Variants in ADAMTSL1 observed in about 807,000 individuals in gnomAD.
ADAMTSL1 encodes the protein ADAMTS like 1, also known as ADAMTS-like protein 1.
A neutral mutation model predicts 201.8 loss-of-function variants in ADAMTSL1; 126 were observed. That is an observed-to-expected ratio of 0.62 (90% CI 0.54 to 0.72). ADAMTSL1 has a LOEUF of 0.72. ADAMTSL1 is among the 30% of genes least tolerant of loss of function. ADAMTSL1 has a pLI of 0.00. For missense variants in ADAMTSL1, 2,679 were observed against 2,277.8 expected, an observed-to-expected ratio of 1.18 and a Z score of -3.59; for synonymous variants, 1,121 against 903.4, an observed-to-expected ratio of 1.24 and a Z score of -4.32.
intron 1 of ADAMTSL1, among the ~76,000 whole-genome samples, chr9:18,087,120 T>A (rs537428399): frequency 2.0e-5 from 3 of 152,316 alleles, no homozygotes; most frequent in South Asian, 4.1e-4. Flanking sequence ...TTGTATTAAC[T>A]TTATTTTTGT....
chr9:18,604,491 C>T (rs1345472030), intron 4 of ADAMTSL1, among the ~76,000 whole-genome samples: 1 of 152,146 alleles, frequency 6.6e-6, no homozygotes, highest in East Asian at 1.9e-4. Flanking sequence ...TTTGGGGTGC[C>T]TAGTATAATG....
chr9:18,290,020 A>C (rs1833187457), intron 2 of ADAMTSL1, among the ~76,000 whole-genome samples: 1 of 152,232 alleles, frequency 6.6e-6, no homozygotes, highest in African/African-American at 2.4e-5. Context: ...CAGCAGGTTC[A>C]AAGAGGATAA....
intron 1 of ADAMTSL1, among the ~76,000 whole-genome samples, chr9:18,476,650 G>A (rs144668524): frequency 6.4e-4 from 98 of 152,080 alleles, no homozygotes; most frequent in African/African-American, 2.1e-3. Flanking sequence ...ATTGAATTGA[G>A]GGGCTTGTTT....
intron 1 of ADAMTSL1, among the ~76,000 whole-genome samples, chr9:17,911,855 T>G (rs1825907093): frequency 2.8e-5 from 1 of 35,504 alleles, no homozygotes; most frequent in Non-Finnish European, 8.9e-5. Flanking sequence ...CCCACAACAG[T>G]CCCTAGAGTG....
At chr9:18,816,486 C>G (rs1322664668) in intron 20 of ADAMTSL1, among the ~76,000 whole-genome samples, 1 of 152,198 alleles carries the variant, frequency 6.6e-6, no homozygotes, top group East Asian at 1.9e-4. Context: ...ATCGACCCAC[C>G]TCAGCCTCCC....
chr9:18,407,732 A>T (rs1167697991), intron 2 of ADAMTSL1, among the ~76,000 whole-genome samples: 1 of 152,188 alleles, frequency 6.6e-6, no homozygotes, highest in Non-Finnish European at 1.5e-5. Context: ...CAATGTTTTG[A>T]GGTGTGTATA....
chr9:18,716,543 A>G (rs1384544984), intron 14 of ADAMTSL1, among the ~76,000 whole-genome samples: 2 of 149,198 alleles, frequency 1.3e-5, no homozygotes, highest in Non-Finnish European at 3.0e-5. Context: ...ATGAGATACC[A>G]TCTCACACCA....
intron 1 of ADAMTSL1, among the ~76,000 whole-genome samples, chr9:18,480,983 T>C (rs746413219): frequency 9.9e-5 from 15 of 152,040 alleles, no homozygotes; most frequent in East Asian, 1.9e-4. Flanking sequence ...GCCAAGAACA[T>C]AGAAGCACAC....
intron 2 of ADAMTSL1, among the ~76,000 whole-genome samples, chr9:18,512,923 C>G (rs151089969): frequency 2.6e-5 from 4 of 152,232 alleles, no homozygotes; most frequent in African/African-American, 9.6e-5. Context: ...TGTGCTTCAA[C>G]TAAAGTGGAA....
At chr9:18,486,166 A>G (rs1821980040) in intron 1 of ADAMTSL1, among the ~76,000 whole-genome samples, 1 of 152,230 alleles carries the variant, frequency 6.6e-6, no homozygotes, top group Non-Finnish European at 1.5e-5. Context: ...TGAAAGAGTT[A>G]GTAATTTTAT....
chr9:18,815,798 T>C (rs1437655648), intron 20 of ADAMTSL1, among the ~76,000 whole-genome samples: 1 of 151,808 alleles, frequency 6.6e-6, no homozygotes, highest in African/African-American at 2.4e-5. Context: ...GTTATTATGT[T>C]AAGTGAAATA....
At chr9:18,188,509 A>C (rs1430668931) in intron 2 of ADAMTSL1, among the ~76,000 whole-genome samples, 1 of 152,150 alleles carries the variant, frequency 6.6e-6, no homozygotes, top group Non-Finnish European at 1.5e-5. Context: ...ATTTACTTTT[A>C]CTAGATGAGA....
chr9:18,395,370 C>T (rs557752854), intron 2 of ADAMTSL1, among the ~76,000 whole-genome samples: 146 of 152,190 alleles, frequency 9.6e-4, no homozygotes, highest in African/African-American at 3.3e-3. Flanking sequence ...GGCAAGATGT[C>T]GATCTAAAGT....
intron 1 of ADAMTSL1, among the ~76,000 whole-genome samples, chr9:17,982,897 G>A (rs888807820): frequency 6.6e-6 from 1 of 151,656 alleles, no homozygotes; most frequent in Non-Finnish European, 1.5e-5. Flanking sequence ...TTTTCTTAGA[G>A]CAGAGGTTCT....
chr9:18,715,337 C>A (rs1832859194), intron 14 of ADAMTSL1, among the ~76,000 whole-genome samples: 1 of 151,990 alleles, frequency 6.6e-6, no homozygotes, highest in Non-Finnish European at 1.5e-5. Context: ...ATCTAGAAAT[C>A]CCCATTGTCT....
At chr9:17,953,659 A>G (rs1266992739) in intron 1 of ADAMTSL1, among the ~76,000 whole-genome samples, 2 of 152,202 alleles carry the variant, frequency 1.3e-5, no homozygotes, top group African/African-American at 4.8e-5. Context: ...ATTAAATTTG[A>G]AAAGAATAAC....
intron 1 of ADAMTSL1, among the ~76,000 whole-genome samples, chr9:18,500,682 C>T (rs564037638): frequency 6.6e-6 from 1 of 152,302 alleles, no homozygotes; most frequent in South Asian, 2.1e-4. Context: ...GCCAATTGTC[C>T]ATTCTCACTC....
intron 2 of ADAMTSL1, among the ~76,000 whole-genome samples, chr9:18,196,859 A>G (rs1454901817): frequency 6.6e-6 from 1 of 151,990 alleles, no homozygotes; most frequent in Non-Finnish European, 1.5e-5. Flanking sequence ...CCTCAACCTG[A>G]CCAGCTTCTT....
chr9:18,504,709 G>C (rs959127248), intron 1 of ADAMTSL1, 120 bp from the exon 2 acceptor site: 2 of 1,335,134 alleles, frequency 1.5e-6, no homozygotes, highest in Non-Finnish European at 1.1e-6. Flanking sequence ...ATCTGATTGC[G>C]CGTTTTCATT....
Sources: gnomAD v4.1 joint callset for allele counts (sites outside exome capture counted in the v4.1 genomes callset) on GRCh38, gnomAD v4.1.1 for gene constraint, MANE v1.5 for transcripts, NCBI Gene and HGNC (gene_info 2026-07-23, HGNC 2026-07-21) for gene names.